FBXL15: variants seen among roughly 807,000 people sequenced by gnomAD.
The protein encoded by FBXL15 is F-box/LRR-repeat protein 15.
A neutral mutation model predicts 23.6 loss-of-function variants in FBXL15; 19 were observed. The observed-to-expected ratio is 0.81, with a 90% confidence interval of 0.56 to 1.18. The LOEUF (loss-of-function observed/expected upper bound fraction) is 1.18. Among genes scored for constraint, FBXL15 ranks in the 50% most tolerant of loss-of-function variants. The pLI is 0.00. For synonymous variants in FBXL15, 224 were observed against 207.7 expected, an observed-to-expected ratio of 1.08 and a Z score of -0.67; for missense variants, 385 against 425.4, an observed-to-expected ratio of 0.91 and a Z score of 0.83.
rs1473970216 is a variant in FBXL15 at position 102,421,050 on chromosome 10, A to C, written c.-80A>C. On this transcript the variant is annotated 5_prime_UTR_variant, in exon 1 of 4. Coordinates refer to ENST00000369956, the MANE Select transcript of FBXL15 (RefSeq NM_024326.4). ...CTCGATTAAATAGGTCTGTCTCTAC[A>C]GGCCAAGGAGGCGGGTTTGGTGCGG... is the stretch of plus-strand genomic sequence containing the variant. 1.9e-6 allele frequency: 3 copies of C among 1,555,986 alleles called. No individual in the cohort carries two copies. The highest frequency in any genetic ancestry group is 2.6e-6 in the Non-Finnish European group (3 of 1,149,262).
intron 1 of FBXL15, 81 bp from the exon 2 acceptor site, chr10:102,421,272 TG>T: frequency 6.4e-7 from 1 of 1,568,202 alleles, no homozygotes; most frequent in Non-Finnish European, 8.6e-7. Flanking sequence ...TCTTGGGAGC[TG>T]GGGCGCAGGA....
chr10:102,421,022 G>A lies in FBXL15; in HGVS notation c.-108G>A. ...TTCAGATCGGATCCTCGGTGAGACG[G>A]CACTCGATTAAATAGGTCTGTCTCT... On this transcript the variant is annotated 5_prime_UTR_variant, in exon 1 of 4. Coordinates refer to ENST00000369956, the MANE Select transcript of FBXL15 (RefSeq NM_024326.4). 6.5e-7 allele frequency: 1 copy of A among 1,547,740 alleles called. No homozygotes were observed. The highest frequency in any genetic ancestry group is 8.7e-7 in the Non-Finnish European group (1 of 1,145,290).
At position 102,423,088 on chromosome 10, in the gene FBXL15, C is replaced by A; in HGVS notation, c.*95C>A. ...ACTGTGAGGACCTCTGGTGAGAGGCCAGTGCCCTGCCCCACCCTGGAGCTT... is the reference window on the plus strand; with the variant it reads ...ACTGTGAGGACCTCTGGTGAGAGGCAAGTGCCCTGCCCCACCCTGGAGCTT... On this transcript the variant is annotated 3_prime_UTR_variant, in exon 4 of 4. Coordinates refer to ENST00000369956, the MANE Select transcript of FBXL15 (RefSeq NM_024326.4). The surrounding 1 kb of genome is among the most constrained non-coding windows in gnomAD (Gnocchi z 5.6). 1 of 1,289,542 alleles carries A rather than the reference C, an allele frequency of 7.8e-7. No homozygotes were observed. Among genetic ancestry groups the A allele is most frequent in the Non-Finnish European group, 1.1e-6 (1 of 948,870 alleles). The allele number at this position is 1,289,542 out of a possible 1,614,324, so 79.9% of individuals were successfully genotyped here. A position where few individuals can be genotyped will look rare whatever the true frequency, so the allele number is the denominator to read the frequency against.
rs765074824 is a variant in FBXL15, at chr10:102,422,887, T to A, written c.797T>A (p.Leu266Ter). Residue 266 changes from leucine (L) to a stop codon, truncating the protein, a stop_gained, in exon 4 of 4, where the codon TTG becomes TAG. Coordinates refer to ENST00000369956, the MANE Select transcript of FBXL15 (RefSeq NM_024326.4). LOFTEE classifies it high-confidence loss of function. ...GTGGCGGAGTCCAGCCTGAGCCGCT[T>A]GCGGAAGCGCGGCGTGGACATCGAC... ...HHVAESSLSRLRKRGVDIDVE... is the reference protein window; with the variant it reads ...HHVAESSLSR 34 of 1,610,172 alleles carry A rather than the reference T, an allele frequency of 2.1e-5. No homozygotes were observed. The highest frequency in any genetic ancestry group is 2.9e-5 in the Non-Finnish European group (34 of 1,178,964).
In FBXL15 at chr10:102,422,014, G is replaced by A; in HGVS notation, c.435G>A (p.Leu145=). ...AGGGCTGCCCACGCCTGCAGCGCCT[G>A]TCGCTCGCGCACTGTGACTGGGTGG... ...LAEGCPRLQR[L]SLAHCDWVDG... Residue 145 remains leucine, a synonymous_variant, in exon 3 of 4, where the codon CTG becomes CTA. Transcript: ENST00000369956. The A allele has an allele frequency of 1.3e-6, 2 of 1,595,196 alleles. No individual in the cohort carries two copies. The highest frequency in any genetic ancestry group is 1.7e-6 in the Non-Finnish European group (2 of 1,177,058).
Position 102,422,083 on chromosome 10 carries a change from G to A in FBXL15, c.504G>A (p.Leu168=), listed in dbSNP as rs575504948. Residue 168 remains leucine, a synonymous_variant, in exon 3 of 4, where the codon CTG becomes CTA. Coordinates refer to ENST00000369956, the MANE Select transcript of FBXL15 (RefSeq NM_024326.4). Reference sequence around the variant, plus strand: ...GCCTCGCTGATCGCTGCCCGGCCCTGGAGGAGCTGGATCTCACCGCCTGCC... The same window carrying A: ...GCCTCGCTGATCGCTGCCCGGCCCTAGAGGAGCTGGATCTCACCGCCTGCC... The part of the protein sequence containing the change: ...LRGLADRCPA[L]EELDLTACRQ... 6 of 1,582,004 alleles carry A rather than the reference G, an allele frequency of 3.8e-6. No individual in the cohort carries two copies. The Admixed American group carries it at 7.0e-5, about 18-fold the overall frequency.
intron 2 of FBXL15, 135 bp downstream of exon 2, chr10:102,421,642 G>A: frequency 7.0e-7 from 1 of 1,428,252 alleles, no homozygotes; most frequent in Non-Finnish European, 9.2e-7. Context: ...GCACCAAAGG[G>A]CAAATACTCG....
At position 102,420,979 on chromosome 10, in the gene FBXL15, G is replaced by A. The variant is rs117768118; in HGVS notation, c.-151G>A. 3.3e-4 allele frequency: 507 copies of A among 1,526,394 alleles called. 7 individuals are homozygous for A. The East Asian group carries it at 0.011, about 34-fold the overall frequency. 94.6% of individuals were successfully genotyped at this position (1,526,394 alleles called of 1,614,324 possible). On this transcript the variant is annotated 5_prime_UTR_variant, in exon 1 of 4. Coordinates refer to ENST00000369956, the MANE Select transcript of FBXL15 (RefSeq NM_024326.4). The stretch of plus-strand genomic sequence containing the variant: ...ACCGGTCTGTTCCGCCTCCGTTTCG[G>A]GGTCCACCCGAAAAGCTTTCAGATC...
chr10:102,422,561 T>C (rs549438996), intron 3 of FBXL15, among the ~76,000 whole-genome samples: 1 of 152,306 alleles, frequency 6.6e-6, no homozygotes, highest in South Asian at 2.1e-4. Flanking sequence ...GATCTTGCAA[T>C]CCTAGGCGGA....
chr10:102,421,223 A>C, intron 1 of FBXL15, 41 bp downstream of exon 1: 1 of 1,594,820 alleles, frequency 6.3e-7, no homozygotes, highest in Middle Eastern at 1.7e-4. Context: ...GAGGAACCTG[A>C]GGGAGGGGAG....
chr10:102,422,822 C>T lies in FBXL15; in HGVS notation c.732C>T (p.Cys244=), dbSNP rs1393105493. The change falls in exon 4 of 4, where the codon TGC becomes TGT. Residue 244 remains cysteine (C), a synonymous_variant. Transcript: ENST00000369956. ...CCCTCAGGACATTGGCCGAGTACTGCCCCGTGCTGCGTTCGCTGCGGGTGC... is the reference window on the plus strand; with the variant it reads ...CCCTCAGGACATTGGCCGAGTACTGTCCCGTGCTGCGTTCGCTGCGGGTGC... ...SDGVRTLAEY[C]PVLRSLRVRH... is the part of the protein sequence containing the mutation. The T allele has an allele frequency of 3.7e-6, 6 of 1,606,280 alleles. No homozygotes were observed. The Admixed American group carries it at 5.0e-5, about 13-fold the overall frequency.
intron 3 of FBXL15, 31 bp downstream of exon 3, chr10:102,422,323 C>T (rs1252561618): frequency 6.7e-7 from 1 of 1,485,104 alleles, no homozygotes. Flanking sequence ...GGGAGGAGGG[C>T]AGTCACTTAG....
chr10:102,421,592 G>A (rs2061564612), intron 2 of FBXL15, 85 bp downstream of exon 2: 2 of 1,433,082 alleles, frequency 1.4e-6, no homozygotes, highest in Non-Finnish European at 9.1e-7. Flanking sequence ...TGCCCTTCTG[G>A]ACCCCCTTGG....
chr10:102,422,661 A>G (rs995336885), intron 3 of FBXL15, 143 bp from the exon 4 acceptor site: 4 of 894,652 alleles, frequency 4.5e-6, no homozygotes, highest in Admixed American at 5.9e-5. Context: ...TAGGGACGGA[A>G]AAAGTATGCC....
Position 102,420,895 on chromosome 10 carries a change from A to C in FBXL15, c.-235A>C. On this transcript the variant is annotated 5_prime_UTR_variant, in exon 1 of 4. Transcript: ENST00000369956. Reference sequence around the variant, plus strand: ...GAAGCCAGTCTCTGATGCCCACCGCATTCTCCAGCTTCAGGCCTCAAGCCC... The same window carrying C: ...GAAGCCAGTCTCTGATGCCCACCGCCTTCTCCAGCTTCAGGCCTCAAGCCC... 5 of 1,407,398 alleles carry C rather than the reference A, an allele frequency of 3.6e-6. No individual in the cohort carries two copies. The South Asian group carries it at 7.5e-5, about 21-fold the overall frequency. 87.2% of individuals were successfully genotyped at this position (1,407,398 alleles called of 1,614,324 possible).
At chr10:102,422,677 C>T in intron 3 of FBXL15, 127 bp from the exon 4 acceptor site, 1 of 1,035,196 alleles carries the variant, frequency 9.7e-7, no homozygotes, top group Non-Finnish European at 1.4e-6. Context: ...ATGCCCCTGC[C>T]CCGAGCTGGA....
At position 102,422,955 on chromosome 10, in the gene FBXL15, A is replaced by G; in HGVS notation, c.865A>G (p.Met289Val). 6.3e-7 allele frequency: 1 copy of G among 1,589,098 alleles called. No individual in the cohort carries two copies. The highest frequency in any genetic ancestry group is 1.1e-5 in the South Asian group (1 of 88,260). The part of the protein sequence containing the change: ...LHQALVLLQD[M>V]AGFAPFVNLQ... Reference sequence around the variant, plus strand: ...CCAGGCCCTGGTGCTGCTGCAGGATATGGCGGGCTTCGCACCTTTTGTCAA... The same window carrying G: ...CCAGGCCCTGGTGCTGCTGCAGGATGTGGCGGGCTTCGCACCTTTTGTCAA... The change falls in exon 4 of 4, where the codon ATG becomes GTG. Residue 289 changes from methionine to valine, a missense_variant. Met to Val is a conservative substitution (Grantham distance 21, BLOSUM62 1). Coordinates refer to ENST00000369956, the MANE Select transcript of FBXL15 (RefSeq NM_024326.4).
In FBXL15 at chr10:102,422,159, G is replaced by T. The variant is rs1299046366; in HGVS notation, c.580G>T (p.Gly194Cys). ...IVYLAQRRGA[G>C]LRSLSLAVNA... Reference sequence around the variant, plus strand: ...GTACCTGGCGCAGAGGCGCGGCGCTGGTCTCCGCAGCCTCTCTCTGGCCGT... The same window carrying T: ...GTACCTGGCGCAGAGGCGCGGCGCTTGTCTCCGCAGCCTCTCTCTGGCCGT... Residue 194 changes from glycine (G) to cysteine (C), a missense_variant, in exon 3 of 4, where the codon GGT (glycine) becomes TGT (cysteine). This residue lies in a region of FBXL15 where 255 missense variants were observed against 330.2 expected (regional missense o/e 0.77). Coordinates refer to ENST00000369956, the MANE Select transcript of FBXL15 (RefSeq NM_024326.4). 1.5e-5 allele frequency: 23 copies of T among 1,548,122 alleles called. No homozygotes were observed. Among genetic ancestry groups the T allele is most frequent in the Non-Finnish European group, 2.0e-5 (23 of 1,147,050 alleles).
Position 102,422,043 on chromosome 10 carries a change from G to A in FBXL15, c.464G>A (p.Gly155Glu). ...LSLAHCDWVD[G>E]LALRGLADRC... ...CTCGCGCACTGTGACTGGGTGGACG[G>A]GCTGGCGCTGCGCGGCCTCGCTGAT... The change falls in exon 3 of 4, where the codon GGG (glycine) becomes GAG (glutamate). Residue 155 changes from glycine (G) to glutamate (E), a missense_variant. Gly to Glu is a moderately conservative substitution (Grantham distance 98, BLOSUM62 -2). Around this residue, in one of 2 missense-constraint regions of FBXL15, gnomAD observed 255 missense variants for 330.2 expected, o/e 0.77. Transcript: ENST00000369956. 1 of 1,593,348 alleles carries A rather than the reference G, an allele frequency of 6.3e-7. No individual in the cohort carries two copies. Among genetic ancestry groups the A allele is most frequent in the South Asian group, 1.1e-5 (1 of 89,954 alleles).
Sources: allele counts gnomAD v4.1 joint callset (sites outside exome capture counted in the v4.1 genomes callset), GRCh38; gene constraint gnomAD v4.1.1; regional missense constraint gnomAD v4.1.1; non-coding constraint Gnocchi (gnomAD v3.1); transcripts MANE v1.5; gene names NCBI Gene and HGNC (gene_info 2026-07-23, HGNC 2026-07-21).